Variants in UQCC1 observed in about 807,000 individuals in gnomAD.
The protein encoded by UQCC1 is bFGF-repressed Zic-binding protein.
A neutral mutation model predicts 48.0 loss-of-function variants in UQCC1; 38 were observed. The observed-to-expected ratio is 0.79, with a 90% CI of 0.61 to 1.04. UQCC1 has a LOEUF of 1.04. UQCC1 is among the 50% of genes least tolerant of loss of function. The pLI is 0.00. For synonymous variants in UQCC1, 111 were observed against 129.2 expected (o/e 0.86, Z 0.95); for missense variants, 368 against 381.8 (o/e 0.96, Z 0.30).
intron 1 of UQCC1, among the ~76,000 whole-genome samples, chr20:35,410,725 C>CAAAAAAAAAAAAAAAAAAAAAAA (rs1427834637): frequency 4.5e-5 from 1 of 22,360 alleles, no homozygotes; most frequent in African/African-American, 1.7e-4. Flanking sequence ...AAAAAAAAAA[C>CAAAAAAAAAAAAAAAAAAAAAAA]AAAACCCTAA....
chr20:35,389,919 C>T (rs1398549934), intron 2 of UQCC1, among the ~76,000 whole-genome samples: 4 of 152,114 alleles, frequency 2.6e-5, no homozygotes, highest in Non-Finnish European at 5.9e-5. Context: ...GTGCAAGAGA[C>T]AGAAGGAACC....
At chr20:35,410,629 C>T (rs2062337317) in intron 1 of UQCC1, among the ~76,000 whole-genome samples, 1 of 142,014 alleles carries the variant, frequency 7.0e-6, no homozygotes, top group Non-Finnish European at 1.5e-5. Context: ...TGCTTGAACC[C>T]GGGAGCAGAA....
intron 1 of UQCC1, among the ~76,000 whole-genome samples, chr20:35,396,318 G>A (rs548677349): frequency 6.9e-6 from 1 of 143,886 alleles, no homozygotes; most frequent in African/African-American, 2.6e-5. Flanking sequence ...AAGAGACAGG[G>A]TCTCACTACA....
At chr20:35,307,625 T>A (rs948107985) in intron 8 of UQCC1, among the ~76,000 whole-genome samples, 2 of 152,150 alleles carry the variant, frequency 1.3e-5, no homozygotes, top group African/African-American at 4.8e-5. Flanking sequence ...GTGTGTGGAA[T>A]CGATGTGCTG....
intron 7 of UQCC1, among the ~76,000 whole-genome samples, chr20:35,320,717 G>T (rs986321227): frequency 1.3e-5 from 2 of 152,180 alleles, no homozygotes; most frequent in Non-Finnish European, 2.9e-5. Flanking sequence ...TATGGTGGGG[G>T]AATGGGAAAA....
intron 1 of UQCC1, among the ~76,000 whole-genome samples, chr20:35,404,420 G>C (rs927210972): frequency 4.1e-5 from 6 of 148,092 alleles, no homozygotes; most frequent in Non-Finnish European, 7.4e-5. Context: ...GGCGCCTGTA[G>C]TCCCAGCTAC....
At chr20:35,396,733 T>C (rs1418314826) in intron 1 of UQCC1, among the ~76,000 whole-genome samples, 1 of 152,198 alleles carries the variant, frequency 6.6e-6, no homozygotes, top group African/African-American at 2.4e-5. Flanking sequence ...AGTGAGAGGC[T>C]AGGCTGGAGA....
At chr20:35,314,643 T>C in intron 8 of UQCC1, 45 bp downstream of exon 8, 3 of 1,542,964 alleles carry the variant, frequency 1.9e-6, no homozygotes, top group East Asian at 2.3e-5. Flanking sequence ...AAGCCTTTGC[T>C]GGGGGAGGCC....
intron 6 of UQCC1, among the ~76,000 whole-genome samples, chr20:35,359,403 G>A (rs190329585): frequency 5.9e-5 from 9 of 152,134 alleles, no homozygotes; most frequent in African/African-American, 2.2e-4. Flanking sequence ...AAGACAAATC[G>A]GAAGGCAACA....
rs573769397 is a variant in UQCC1, at chr20:35,333,527, T to C, written c.573+13637A>G. 2.0e-5 allele frequency among the ~76,000 whole-genome samples: 3 copies of C among 152,202 alleles called. No homozygotes were observed. In the South Asian group the frequency reaches 6.2e-4, roughly 32 times the overall value. On this transcript the variant is annotated intron_variant, in intron 7 of 9. Coordinates refer to ENST00000374385, the MANE Select transcript of UQCC1 (RefSeq NM_018244.5). ...TAATAAAGAGAAGCATGGAAATTCA[T>C]CAGGACAAAGAAAGTTCTTAATTCT...
chr20:35,397,242 G>A (rs1341841773), intron 1 of UQCC1, among the ~76,000 whole-genome samples: 7 of 150,096 alleles, frequency 4.7e-5, no homozygotes, highest in African/African-American at 1.5e-4. Flanking sequence ...CAGGCCGGGC[G>A]CGGTAGCTCA....
intron 7 of UQCC1, among the ~76,000 whole-genome samples, chr20:35,341,900 G>A (rs964283099): frequency 3.3e-5 from 5 of 152,202 alleles, no homozygotes; most frequent in Non-Finnish European, 7.3e-5. Context: ...AGGCACATGT[G>A]CTAGTAGGTT....
chr20:35,411,362 T>C (rs1209096717), intron 1 of UQCC1, among the ~76,000 whole-genome samples: 1 of 152,012 alleles, frequency 6.6e-6, no homozygotes, highest in Non-Finnish European at 1.5e-5. Flanking sequence ...CCAGACACCA[T>C]GCTAGGCAAA....
In UQCC1 at chr20:35,346,478, G is replaced by A. The variant is rs187242327; in HGVS notation, c.573+686C>T. 323 of 162,772 alleles carry A rather than the reference G, an allele frequency of 2.0e-3. 1 individual carries two copies. Among genetic ancestry groups the A allele is most frequent in the African/African-American group, 7.3e-3 (304 of 41,700 alleles). 10.1% of individuals were successfully genotyped at this position (162,772 alleles called of 1,614,324 possible). On this transcript the variant is annotated intron_variant, in intron 7 of 9. Coordinates refer to ENST00000374385, the MANE Select transcript of UQCC1 (RefSeq NM_018244.5). ...CTTTAAGAGCTGTAACACTCACAGC[G>A]AAGGTCTGCGGCTTCATTCTTGAAG...
chr20:35,376,058 A>G (rs1356323609), intron 4 of UQCC1, among the ~76,000 whole-genome samples: 1 of 152,018 alleles, frequency 6.6e-6, no homozygotes, highest in East Asian at 1.9e-4. Flanking sequence ...CACTAATCCC[A>G]GCACTTTGAG....
intron 6 of UQCC1, among the ~76,000 whole-genome samples, chr20:35,365,696 A>G (rs1394568707): frequency 6.6e-6 from 1 of 150,898 alleles, no homozygotes; most frequent in Non-Finnish European, 1.5e-5. Flanking sequence ...CTGCCACCTT[A>G]GGCCCCTAAG....
intron 9 of UQCC1, chr20:35,304,590 T>C (rs1332590676): frequency 5.8e-6 from 1 of 172,968 alleles, no homozygotes; most frequent in Non-Finnish European, 1.3e-5. Flanking sequence ...CATGAAGAGA[T>C]TCAACAATAT....
At chr20:35,387,094 T>C (rs902395300) in intron 2 of UQCC1, among the ~76,000 whole-genome samples, 2 of 151,472 alleles carry the variant, frequency 1.3e-5, no homozygotes, top group African/African-American at 4.9e-5. Context: ...CTGGGCAACA[T>C]GGCAAACCAC....
At chr20:35,326,269 A>G (rs1401155289) in intron 7 of UQCC1, among the ~76,000 whole-genome samples, 2 of 152,360 alleles carry the variant, frequency 1.3e-5, no homozygotes, top group South Asian at 2.1e-4. Flanking sequence ...AGGGGAGGCC[A>G]TGACTTGCAT....
Sources: gnomAD v4.1 joint callset for allele counts (sites outside exome capture counted in the v4.1 genomes callset) on GRCh38, gnomAD v4.1.1 for gene constraint, MANE v1.5 for transcripts, NCBI Gene and HGNC (gene_info 2026-07-23, HGNC 2026-07-21) for gene names.